Variants in CLSTN2 observed in about 807,000 individuals in gnomAD.
The protein encoded by CLSTN2 is calsyntenin 2, also known as calsyntenin-2.
Under a neutral mutation model 101.2 loss-of-function variants are expected in CLSTN2, and 48 were observed. The observed-to-expected ratio is 0.47, with a 90% CI of 0.38 to 0.60. The LOEUF (loss-of-function observed/expected upper bound fraction) is 0.60, where lower values mean the gene tolerates loss of function less well. Ranked by LOEUF, CLSTN2 falls within the 20% of genes least tolerant of loss-of-function variation. The pLI is 0.00. For missense variants in CLSTN2, 1,160 were observed against 1,238.2 expected, an observed-to-expected ratio of 0.94 and a Z score of 0.95; for synonymous variants, 481 against 463.6, an observed-to-expected ratio of 1.04 and a Z score of -0.48.
chr3:140,304,342 C>CACCTAGA lies in CLSTN2; in HGVS notation c.233-99286_233-99285insCCTAGAA, dbSNP rs556329768. ...AATACAATAGACTAGGTGGTTTAAA[C>CACCTAGA]AATAGGAATTTATTTCTCACAGTTG... On this transcript the variant is annotated intron_variant, in intron 2 of 16. Transcript: ENST00000458420. Among the ~76,000 whole-genome samples, 17 of 152,308 alleles carry CACCTAGA rather than the reference C, an allele frequency of 1.1e-4. No homozygotes were observed. In the East Asian group the frequency reaches 3.1e-3, roughly 28 times the overall value.
chr3:140,282,327 G>T (rs1338315056), intron 2 of CLSTN2, among the ~76,000 whole-genome samples: 2 of 152,146 alleles, frequency 1.3e-5, no homozygotes, highest in Non-Finnish European at 2.9e-5. Flanking sequence ...CACAAAAGGA[G>T]GTTCAATCCC....
chr3:140,147,817 G>A (rs1214085228), intron 1 of CLSTN2, among the ~76,000 whole-genome samples: 1 of 152,178 alleles, frequency 6.6e-6, no homozygotes, highest in Non-Finnish European at 1.5e-5. Context: ...CATTGCTATA[G>A]TGCATTACAC....
At chr3:140,183,057 G>A (rs1323640365) in intron 2 of CLSTN2, among the ~76,000 whole-genome samples, 1 of 152,124 alleles carries the variant, frequency 6.6e-6, no homozygotes, top group East Asian at 1.9e-4. Context: ...CCTACAGCAG[G>A]GACCATGGGT....
chr3:140,453,326 T>C (rs1353669799), intron 6 of CLSTN2: 1 of 152,194 alleles, frequency 6.6e-6, no homozygotes, highest in African/African-American at 2.4e-5. Context: ...GCAAAAATCA[T>C]GTGGTTCATG....
intron 8 of CLSTN2, among the ~76,000 whole-genome samples, chr3:140,531,719 G>A (rs1203719331): frequency 6.6e-6 from 1 of 152,026 alleles, no homozygotes; most frequent in Middle Eastern, 3.2e-3. Flanking sequence ...TTTCTATCTT[G>A]TCTCATGCTG....
chr3:140,095,915 CTGTT>C (rs922280596), intron 1 of CLSTN2, among the ~76,000 whole-genome samples: 1 of 152,102 alleles, frequency 6.6e-6, no homozygotes, highest in Non-Finnish European at 1.5e-5. Context: ...GAGTGGGTAG[CTGTT>C]TGTTTGTCTG....
At chr3:140,206,264 A>G (rs537735258) in intron 2 of CLSTN2, among the ~76,000 whole-genome samples, 1 of 152,280 alleles carries the variant, frequency 6.6e-6, no homozygotes, top group East Asian at 1.9e-4. Flanking sequence ...CCTTCTCCAG[A>G]GTGCAGACCT....
intron 1 of CLSTN2, among the ~76,000 whole-genome samples, chr3:140,126,796 C>T (rs540205093): frequency 6.6e-6 from 1 of 152,162 alleles, no homozygotes; most frequent in Non-Finnish European, 1.5e-5. Flanking sequence ...CTGAATTGTG[C>T]CAGGGTCTAG....
intron 4 of CLSTN2, among the ~76,000 whole-genome samples, chr3:140,407,017 C>G (rs2088311311): frequency 6.6e-6 from 1 of 152,242 alleles, no homozygotes; most frequent in Non-Finnish European, 1.5e-5. Context: ...GCCTCTAATG[C>G]TGGTTTACAA....
Position 140,330,951 on chromosome 3 carries a change from A to G in CLSTN2, c.233-72678A>G, listed in dbSNP as rs566050356. On this transcript the variant is annotated intron_variant, in intron 2 of 16. Coordinates refer to ENST00000458420, the MANE Select transcript of CLSTN2 (RefSeq NM_022131.3). ...GGGACAGAATCAATAGGCTATATCT[A>G]TATAGAAAAGGGAATTTATTAGGGA... 3.9e-5 allele frequency among the ~76,000 whole-genome samples: 6 copies of G among 152,318 alleles called. No individual in the cohort carries two copies. In the South Asian group the frequency reaches 1.2e-3, roughly 32 times the overall value.
intron 2 of CLSTN2, among the ~76,000 whole-genome samples, chr3:140,189,697 A>C: frequency 6.6e-6 from 1 of 152,200 alleles, no homozygotes; most frequent in East Asian, 1.9e-4. Context: ...TTTTGTATAA[A>C]GTAAAACACT....
chr3:140,433,442 TCC>T (rs2088656068), intron 5 of CLSTN2, among the ~76,000 whole-genome samples: 1 of 152,176 alleles, frequency 6.6e-6, no homozygotes, highest in African/African-American at 2.4e-5. Flanking sequence ...CTACCTCATC[TCC>T]CCATGGACCT....
intron 2 of CLSTN2, among the ~76,000 whole-genome samples, chr3:140,215,999 C>T (rs991480353): frequency 2.6e-5 from 4 of 152,150 alleles, no homozygotes; most frequent in Non-Finnish European, 5.9e-5. Context: ...GGTCCATGGC[C>T]TGTTAGGAAC....
intron 4 of CLSTN2, among the ~76,000 whole-genome samples, chr3:140,418,537 A>C (rs1379242174): frequency 9.1e-6 from 1 of 109,718 alleles, no homozygotes; most frequent in African/African-American, 3.3e-5. Flanking sequence ...TTTTTTTCTG[A>C]GACGGAGTCT....
intron 2 of CLSTN2, among the ~76,000 whole-genome samples, chr3:140,197,695 A>T (rs1320258): frequency 1.3e-5 from 2 of 152,110 alleles, no homozygotes; most frequent in Admixed American, 6.5e-5. Context: ...ACATCTAGTG[A>T]GTAGAGGCCA....
chr3:140,086,964 G>A (rs1446902545), intron 1 of CLSTN2, among the ~76,000 whole-genome samples: 1 of 151,316 alleles, frequency 6.6e-6, no homozygotes, highest in Non-Finnish European at 1.5e-5. Context: ...ACAAATAAGA[G>A]CTTTCACATT....
chr3:140,557,611 G>A (rs1935825160), intron 11 of CLSTN2, among the ~76,000 whole-genome samples: 1 of 152,150 alleles, frequency 6.6e-6, no homozygotes, highest in Non-Finnish European at 1.5e-5. Context: ...AAGAGGAGGA[G>A]GCCACCACAG....
intron 1 of CLSTN2, among the ~76,000 whole-genome samples, chr3:139,961,162 A>G (rs1261522695): frequency 6.6e-6 from 1 of 152,178 alleles, no homozygotes; most frequent in East Asian, 1.9e-4. Context: ...GGCTCCTGAA[A>G]TTAGACTCAG....
At chr3:140,382,052 T>A (rs2087991558) in intron 2 of CLSTN2, among the ~76,000 whole-genome samples, 1 of 152,216 alleles carries the variant, frequency 6.6e-6, no homozygotes, top group Admixed American at 6.5e-5. Context: ...GCTTGCTGTT[T>A]TTCTACCCAA....
Sources: gnomAD v4.1 joint callset for allele counts (sites outside exome capture counted in the v4.1 genomes callset) on GRCh38, gnomAD v4.1.1 for gene constraint, MANE v1.5 for transcripts, NCBI Gene and HGNC (gene_info 2026-07-23, HGNC 2026-07-21) for gene names.